NEXMIF: variants seen among roughly 807,000 people sequenced by gnomAD.
NEXMIF encodes neurite extension and migration factor, also known as XLMR protein related to neurite extension.
In NEXMIF, 8 loss-of-function variants were observed where a neutral mutation model predicts 62.1. The observed-to-expected ratio is 0.13, with a 90% CI of 0.08 to 0.23. The LOEUF is 0.23. NEXMIF is among the 10% of genes least tolerant of loss of function. NEXMIF has a pLI of 1.00. For synonymous variants in NEXMIF, 404 were observed against 416.6 expected (o/e 0.97, Z 0.37); for missense variants, 976 against 1,113.3 (o/e 0.88, Z 1.75).
intron 1 of NEXMIF, among the ~76,000 whole-genome samples, chrX:74,873,773 G>A (rs1280350763): frequency 8.9e-6 from 1 of 111,858 alleles, no homozygotes; most frequent in Non-Finnish European, 1.9e-5. Flanking sequence ...TGTGTTTTTT[G>A]GCTGCATAAA....
At chrX:74,902,149 T>A (rs1251115355) in intron 1 of NEXMIF, among the ~76,000 whole-genome samples, 1 of 110,130 alleles carries the variant, frequency 9.1e-6, no homozygotes, top group Non-Finnish European at 1.9e-5. Flanking sequence ...AGGACCCTGG[T>A]CATCTTAACA....
Position 74,738,776 on chromosome X carries a change from T to C in NEXMIF, c.*629A>G, listed in dbSNP as rs1410408477. The C allele has an allele frequency of 1.8e-5, 2 of 109,564 alleles. No individual in the cohort carries two copies. Among genetic ancestry groups the C allele is most frequent in the Non-Finnish European group, 3.8e-5 (2 of 52,460 alleles). 9.0% of individuals were successfully genotyped at this position (109,564 alleles called of 1,213,427 possible). On this transcript the variant is annotated 3_prime_UTR_variant, in exon 4 of 4. Coordinates refer to ENST00000055682, the MANE Select transcript of NEXMIF (RefSeq NM_001008537.3). ...AAATCTTTATTTTGCCTTGTTTAGC[T>C]GTTCATGTTTCCACACAGGACAGTA...
chrX:74,892,208 C>T (rs2080720022), intron 1 of NEXMIF, among the ~76,000 whole-genome samples: 1 of 112,085 alleles, frequency 8.9e-6, no homozygotes, highest in African/African-American at 3.2e-5. Flanking sequence ...AGCCTCAATG[C>T]AGAGGGACAA....
At chrX:74,794,687 T>A (rs1025860656) in intron 1 of NEXMIF, among the ~76,000 whole-genome samples, 1 of 111,975 alleles carries the variant, frequency 8.9e-6, no homozygotes, top group Non-Finnish European at 1.9e-5. Flanking sequence ...GGTGCGCCTT[T>A]TTTTAAGCCC....
At chrX:74,822,863 C>G (rs980055731) in intron 1 of NEXMIF, among the ~76,000 whole-genome samples, 1 of 112,138 alleles carries the variant, frequency 8.9e-6, no homozygotes, top group African/African-American at 3.2e-5. Flanking sequence ...AGCAATTCCA[C>G]TCAGTTGAAA....
chrX:74,746,529 C>T (rs2080126582), intron 1 of NEXMIF, among the ~76,000 whole-genome samples: 1 of 111,748 alleles, frequency 8.9e-6, no homozygotes, highest in South Asian at 3.7e-4. Context: ...GTCCCTAGAC[C>T]TTCTCCCCAA....
chrX:74,919,161 T>C (rs1293925944), intron 1 of NEXMIF, among the ~76,000 whole-genome samples: 2 of 111,679 alleles, frequency 1.8e-5, no homozygotes, highest in Non-Finnish European at 3.8e-5. Context: ...TTCATGAAAG[T>C]TAGAGCAGCC....
At chrX:74,836,037 G>A (rs1044935393) in intron 1 of NEXMIF, among the ~76,000 whole-genome samples, 29 of 112,857 alleles carry the variant, frequency 2.6e-4, no homozygotes, top group Non-Finnish European at 4.3e-4. Flanking sequence ...CAGGCAGAGA[G>A]GCCTCTCCCT....
intron 1 of NEXMIF, among the ~76,000 whole-genome samples, chrX:74,873,764 G>A (rs1416173815): frequency 2.7e-5 from 3 of 112,204 alleles, no homozygotes; most frequent in Non-Finnish European, 5.6e-5. Context: ...ATTTTTTCAT[G>A]TGTTTTTTGG....
Position 74,832,390 on chromosome X carries a change from T to C in NEXMIF, c.-47-86693A>G, listed in dbSNP as rs184557346. On this transcript the variant is annotated intron_variant, in intron 1 of 3. Coordinates refer to ENST00000055682, the MANE Select transcript of NEXMIF (RefSeq NM_001008537.3). Reference sequence around the variant, plus strand: ...CTACATTTTTCAGTTTATTAGCATATAGTTGCTGATAGTAGCCACTGGTGA... The same window carrying C: ...CTACATTTTTCAGTTTATTAGCATACAGTTGCTGATAGTAGCCACTGGTGA... 3.4e-3 allele frequency among the ~76,000 whole-genome samples: 385 copies of C among 111,777 alleles called. 2 individuals carry two copies. The highest frequency in any genetic ancestry group is 0.012 in the African/African-American group (368 of 30,812).
chrX:74,784,824 T>C (rs1308865485), intron 1 of NEXMIF, among the ~76,000 whole-genome samples: 1 of 110,948 alleles, frequency 9.0e-6, no homozygotes, highest in Non-Finnish European at 1.9e-5. Flanking sequence ...CTTTCAACCA[T>C]GCTGTAACAG....
chrX:74,884,258 T>C (rs1415447474), intron 1 of NEXMIF, among the ~76,000 whole-genome samples: 1 of 111,743 alleles, frequency 8.9e-6, no homozygotes, highest in African/African-American at 3.3e-5. Flanking sequence ...AATAACCAGC[T>C]AACATCATAG....
intron 1 of NEXMIF, among the ~76,000 whole-genome samples, chrX:74,818,524 A>G (rs2080383541): frequency 8.9e-6 from 1 of 111,861 alleles, no homozygotes; most frequent in Non-Finnish European, 1.9e-5. Flanking sequence ...AAAACCCAGA[A>G]AATACCATTC....
chrX:74,857,170 C>G (rs2080538233), intron 1 of NEXMIF, among the ~76,000 whole-genome samples: 1 of 112,002 alleles, frequency 8.9e-6, no homozygotes, highest in Non-Finnish European at 1.9e-5. Context: ...ATGTAACATA[C>G]ACAAGCCAGG....
At chrX:74,794,538 A>G (rs1372651455) in intron 1 of NEXMIF, among the ~76,000 whole-genome samples, 1 of 112,076 alleles carries the variant, frequency 8.9e-6, no homozygotes, top group Non-Finnish European at 1.9e-5. Context: ...TGTTTACCTT[A>G]TCAAGCCTGG....
At chrX:74,907,958 C>T (rs1000316236) in intron 1 of NEXMIF, among the ~76,000 whole-genome samples, 4 of 111,236 alleles carry the variant, frequency 3.6e-5, no homozygotes, top group South Asian at 3.9e-4. Context: ...ACACCCTCTA[C>T]CTGAGGATCT....
rs1471260919 is a variant in NEXMIF, at chrX:74,884,076, C to A, written c.-48+40807G>T. Among the ~76,000 whole-genome samples the A allele has an allele frequency of 3.6e-5, 4 of 111,790 alleles. No individual in the cohort carries two copies. The East Asian group carries it at 1.1e-3, about 31-fold the overall frequency. On this transcript the variant is annotated intron_variant, in intron 1 of 3. Transcript: ENST00000055682. The stretch of plus-strand genomic sequence containing the variant: ...TCATAAGTGAAGGAGAAATAAAATT[C>A]TTTACAGACAAGCAAATGCTGAGAG...
intron 1 of NEXMIF, among the ~76,000 whole-genome samples, chrX:74,799,709 C>A (rs995100017): frequency 1.8e-5 from 2 of 111,584 alleles, no homozygotes; most frequent in African/African-American, 6.5e-5. Context: ...CGGCTCACTG[C>A]AACCTCGACC....
intron 1 of NEXMIF, among the ~76,000 whole-genome samples, chrX:74,812,986 T>A (rs1231370963): frequency 1.8e-5 from 2 of 112,209 alleles, no homozygotes; most frequent in African/African-American, 6.5e-5. Flanking sequence ...GACTGCTTTT[T>A]ATCCCAGAGA....
Sources: gnomAD v4.1 joint callset for allele counts (sites outside exome capture counted in the v4.1 genomes callset) on GRCh38, gnomAD v4.1.1 for gene constraint, MANE v1.5 for transcripts, NCBI Gene and HGNC (gene_info 2026-07-23, HGNC 2026-07-21) for gene names.